The following ADAP1 variants were observed in gnomAD, a reference collection of about 807,000 sequenced individuals.
ADAP1 encodes the protein ArfGAP with dual PH domains 1.
Under a neutral mutation model 54.9 loss-of-function variants are expected in ADAP1, and 31 were observed. The ratio of observed to expected loss-of-function variants is 0.56; its 90% CI spans 0.42 to 0.76. The LOEUF is 0.76. Among genes scored for constraint, ADAP1 ranks in the 30% least tolerant of loss-of-function variants. The pLI is 0.00. For synonymous variants in ADAP1, 313 were observed against 202.6 expected, an observed-to-expected ratio of 1.55 and a Z score of -4.63; for missense variants, 535 against 512.4, an observed-to-expected ratio of 1.04 and a Z score of -0.42.
chr7:932,136 A>G (rs930493587), intron 2 of ADAP1, among the ~76,000 whole-genome samples: 4 of 152,240 alleles, frequency 2.6e-5, no homozygotes, highest in African/African-American at 9.6e-5. Context: ...GTGAACGTGC[A>G]GACAACAGAA....
Position 920,144 on chromosome 7 carries a change from G to A in ADAP1, c.306-94C>T. On this transcript the variant is annotated intron_variant, in intron 3 of 10. Transcript: ENST00000265846. The surrounding 1 kb of genome is among the most constrained non-coding windows in gnomAD (Gnocchi z 4.5). ...GCCCGGACCCTGGACATCTCAAGAG[G>A]CTCATAGGGACCCCCGGCAGACTCG... 1.7e-6 allele frequency: 2 copies of A among 1,145,806 alleles called. No homozygotes were observed. The highest frequency in any genetic ancestry group is 3.1e-5 in the African/African-American group (2 of 64,880). The allele number at this position is 1,145,806 out of a possible 1,614,324, so 71.0% of individuals were successfully genotyped here.
At chr7:908,803 G>A (rs1323317392) in intron 4 of ADAP1, among the ~76,000 whole-genome samples, 1 of 152,190 alleles carries the variant, frequency 6.6e-6, no homozygotes, top group Non-Finnish European at 1.5e-5. Flanking sequence ...TGTGCACCCC[G>A]GGGAGCCTCC....
Position 920,808 on chromosome 7 carries a change from G to A in ADAP1, c.306-758C>T, listed in dbSNP as rs550721571. Reference sequence around the variant, plus strand: ...CTCGAGTGAAGCCAATACCATTGCAGAAACCACGACCCACACACAGGCCCG... The same window carrying A: ...CTCGAGTGAAGCCAATACCATTGCAAAAACCACGACCCACACACAGGCCCG... On this transcript the variant is annotated intron_variant, in intron 3 of 10. Coordinates refer to ENST00000265846, the MANE Select transcript of ADAP1 (RefSeq NM_006869.4). The surrounding 1 kb of genome is among the most constrained non-coding windows in gnomAD (Gnocchi z 4.5). 12 of 1,550,160 alleles carry A rather than the reference G, an allele frequency of 7.7e-6. No homozygotes were observed. The highest frequency in any genetic ancestry group is 9.6e-6 in the Non-Finnish European group (11 of 1,146,872).
chr7:913,818 C>A (rs530766724), intron 4 of ADAP1, among the ~76,000 whole-genome samples: 1 of 152,096 alleles, frequency 6.6e-6, no homozygotes, highest in Non-Finnish European at 1.5e-5. Context: ...GCCTGTAGTC[C>A]CAGCTACTCA....
upstream of ADAP1, chr7:955,151 C>T: frequency 1.5e-6 from 1 of 685,936 alleles, no homozygotes; most frequent in South Asian, 1.8e-5. Flanking sequence ...CCAGACGGAG[C>T]CTCCCCCTGA....
At chr7:904,406 C>G in intron 5 of ADAP1, 134 bp from the exon 6 acceptor site, 2 of 1,187,964 alleles carry the variant, frequency 1.7e-6, no homozygotes, top group Non-Finnish European at 2.3e-6. Context: ...CTTAAGCGCT[C>G]TGAGCCTTGG....
chr7:899,393 G>A (rs764792057), intron 9 of ADAP1, 26 bp downstream of exon 9: 24 of 1,611,968 alleles, frequency 1.5e-5, no homozygotes, highest in African/African-American at 1.2e-4. Flanking sequence ...CTGCCCTCCC[G>A]TGCTGGGGCC....
At position 903,302 on chromosome 7, in the gene ADAP1, C is replaced by T. The variant is rs184744274; in HGVS notation, c.648+824G>A. ...GAGCACGGCAGGCAGGGGACGGGCA[C>T]GTGGGAGGGGATGGAAAGAGCTGGA... On this transcript the variant is annotated intron_variant, in intron 6 of 10. Coordinates refer to ENST00000265846, the MANE Select transcript of ADAP1 (RefSeq NM_006869.4). 3.8e-3 allele frequency among the ~76,000 whole-genome samples: 574 copies of T among 151,834 alleles called. 3 individuals are homozygous for T. The highest frequency in any genetic ancestry group is 0.01 in the Middle Eastern group (3 of 294).
intron 4 of ADAP1, among the ~76,000 whole-genome samples, chr7:913,198 C>T (rs886885997): frequency 9.6e-6 from 1 of 104,212 alleles, no homozygotes; most frequent in African/African-American, 3.7e-5. Context: ...CCTCCCCTTC[C>T]TTTTTTTTTT....
chr7:930,234 C>T (rs1345180578), intron 2 of ADAP1, among the ~76,000 whole-genome samples: 2 of 150,234 alleles, frequency 1.3e-5, no homozygotes, highest in Admixed American at 1.3e-4. Flanking sequence ...ACGGCAAAAA[C>T]CACCATGAGC....
At position 920,430 on chromosome 7, in the gene ADAP1, GCCCTCCCCGA is replaced by G. The variant is rs1198272582; in HGVS notation, c.306-390_306-381del. Among the ~76,000 whole-genome samples, 1 of 151,132 alleles carries G rather than the reference GCCCTCCCCGA, an allele frequency of 6.6e-6. No individual in the cohort carries two copies. Among genetic ancestry groups the G allele is most frequent in the Admixed American group, 6.6e-5 (1 of 15,190 alleles). Reference sequence around the variant, plus strand: ...CCCACCCCGAGTCACACGCCCCTGGGCCCTCCCCGACCCTCCCCACCTCGTTGGACCGGAT... The same window carrying G: ...CCCACCCCGAGTCACACGCCCCTGGGCCCTCCCCACCTCGTTGGACCGGAT... On this transcript the variant is annotated intron_variant, in intron 3 of 10. Coordinates refer to ENST00000265846, the MANE Select transcript of ADAP1 (RefSeq NM_006869.4). The surrounding 1 kb of genome is among the most constrained non-coding windows in gnomAD (Gnocchi z 4.5).
chr7:955,306 C>T (rs531359749), upstream of ADAP1: 22 of 1,550,174 alleles, frequency 1.4e-5, no homozygotes, highest in Middle Eastern at 1.7e-4. Context: ...TTCCCAGACT[C>T]GCGTGCCCTT....
intron 3 of ADAP1, among the ~76,000 whole-genome samples, chr7:925,960 G>C (rs548899342): frequency 6.6e-6 from 1 of 152,190 alleles, no homozygotes; most frequent in African/African-American, 2.4e-5. Context: ...GGGTCGGTGC[G>C]AACAGTCAGG....
At chr7:901,194 C>G (rs1261798504) in intron 6 of ADAP1, 3 of 360,282 alleles carry the variant, frequency 8.3e-6, no homozygotes, top group Non-Finnish European at 1.1e-5. Context: ...GGCCCATAGC[C>G]CAGGCCTGGC....
rs559701589 is a variant in ADAP1, at chr7:926,275, C to T, written c.305+278G>A. ...CCTGGGAGGGCCCCTCAGATCCACC[C>T]GAGACCCCCAAGGCCTCAGCGAACC... is the stretch of plus-strand genomic sequence containing the variant. On this transcript the variant is annotated intron_variant, in intron 3 of 10. Transcript: ENST00000265846. The surrounding 1 kb of genome is among the most constrained non-coding windows in gnomAD (Gnocchi z 4.6). Among the ~76,000 whole-genome samples the T allele has an allele frequency of 1.5e-3, 224 of 152,286 alleles. 1 individual carries two copies. Among genetic ancestry groups the T allele is most frequent in the Non-Finnish European group, 2.7e-3 (186 of 68,004 alleles).
intron 1 of ADAP1, among the ~76,000 whole-genome samples, chr7:936,865 C>T (rs1044482892): frequency 4.6e-5 from 7 of 152,210 alleles, no homozygotes; most frequent in Admixed American, 2.6e-4. Context: ...TCAGGCCTGG[C>T]GGAGGATAGC....
chr7:934,731 AG>A (rs1200840286), intron 2 of ADAP1, among the ~76,000 whole-genome samples: 4 of 152,040 alleles, frequency 2.6e-5, no homozygotes, highest in Admixed American at 2.6e-4. Context: ...CCTGCACGCC[AG>A]GGCTTCCTGG....
chr7:918,986 CACTGGGGAGACCGAGGCTGG>C (rs1846049233), intron 4 of ADAP1, among the ~76,000 whole-genome samples: 1 of 151,966 alleles, frequency 6.6e-6, no homozygotes, highest in East Asian at 1.9e-4. Flanking sequence ...AGCTAAGCAG[CACTGGGGAGACCGAGGCTGG>C]GGTGGGGAGA....
intron 2 of ADAP1, among the ~76,000 whole-genome samples, chr7:928,766 G>A (rs182148291): frequency 3.7e-4 from 57 of 152,320 alleles, no homozygotes; most frequent in African/African-American, 7.5e-4. Flanking sequence ...GGGAACCTCC[G>A]GCTCTGGTGA....
Sources: allele counts gnomAD v4.1 joint callset (sites outside exome capture counted in the v4.1 genomes callset), GRCh38; gene constraint gnomAD v4.1.1; non-coding constraint Gnocchi (gnomAD v3.1); transcripts MANE v1.5; gene names NCBI Gene and HGNC (gene_info 2026-07-23, HGNC 2026-07-21).